The following EPHA5 variants were observed in gnomAD, a reference collection of about 807,000 sequenced individuals.
EPHA5 encodes the protein ephrin type-A receptor 5.
A neutral mutation model predicts 105.0 loss-of-function variants in EPHA5; 60 were observed. The ratio of observed to expected loss-of-function variants is 0.57; its 90% CI spans 0.46 to 0.71. EPHA5 has a LOEUF of 0.71. Among genes scored for constraint, EPHA5 ranks in the 30% least tolerant of loss-of-function variants. The probability of loss-of-function intolerance (pLI) is 0.00; values close to 1 mark genes in which losing one functional copy is unlikely to be tolerated. For missense variants in EPHA5, 1,218 were observed against 1,274.7 expected, an observed-to-expected ratio of 0.96 and a Z score of 0.68; for synonymous variants, 513 against 449.1, an observed-to-expected ratio of 1.14 and a Z score of -1.80.
At chr4:65,533,787 A>G (rs1212232747) in intron 3 of EPHA5, among the ~76,000 whole-genome samples, 1 of 152,066 alleles carries the variant, frequency 6.6e-6, no homozygotes, top group Admixed American at 6.6e-5. Context: ...TACAAAAATT[A>G]GCTGGGTGTG....
chr4:65,603,530 T>C (rs1743943102), intron 2 of EPHA5, among the ~76,000 whole-genome samples: 1 of 152,158 alleles, frequency 6.6e-6, no homozygotes, highest in South Asian at 2.1e-4. Context: ...AATATAGCAT[T>C]ATTTCTTGAT....
chr4:65,620,878 G>A (rs1157964606), intron 2 of EPHA5, among the ~76,000 whole-genome samples: 1 of 152,126 alleles, frequency 6.6e-6, no homozygotes, highest in African/African-American at 2.4e-5. Flanking sequence ...TTCCATATGT[G>A]AGAAAAAGTG....
intron 5 of EPHA5, among the ~76,000 whole-genome samples, chr4:65,484,242 T>C (rs1224529219): frequency 1.3e-5 from 2 of 152,162 alleles, no homozygotes; most frequent in African/African-American, 2.4e-5. Context: ...ATTGTTCTAA[T>C]GGTCTCTGAA....
intron 3 of EPHA5, among the ~76,000 whole-genome samples, chr4:65,589,378 C>T (rs1364875115): frequency 1.3e-5 from 2 of 151,972 alleles, no homozygotes; most frequent in Non-Finnish European, 2.9e-5. Context: ...CTGTGTGGGC[C>T]TTGAGGAGCA....
At chr4:65,512,463 C>G (rs1402379792) in intron 3 of EPHA5, among the ~76,000 whole-genome samples, 2 of 152,044 alleles carry the variant, frequency 1.3e-5, no homozygotes, top group South Asian at 2.1e-4. Flanking sequence ...GGGTTGCATC[C>G]TTCATGAATG....
chr4:65,383,481 AAAAAC>A (rs1719775582), intron 8 of EPHA5, among the ~76,000 whole-genome samples: 1 of 151,894 alleles, frequency 6.6e-6, no homozygotes, highest in Admixed American at 6.6e-5. Context: ...TGCTACCAGT[AAAAAC>A]AAAGCAAGAA....
At chr4:65,387,820 C>CT (rs200503402) in intron 8 of EPHA5, among the ~76,000 whole-genome samples, 2,440 of 150,852 alleles carry the variant, frequency 0.016, 41 homozygotes, top group African/African-American at 0.041. Context: ...ATGTCTCATT[C>CT]TTTTTTTTTA....
intron 3 of EPHA5, among the ~76,000 whole-genome samples, chr4:65,501,492 G>T (rs1248962703): frequency 1.3e-5 from 2 of 151,108 alleles, no homozygotes; most frequent in African/African-American, 2.4e-5. Flanking sequence ...AATCGAGAAT[G>T]CCCCATTCAC....
At chr4:65,442,823 T>G (rs1281972773) in intron 5 of EPHA5, among the ~76,000 whole-genome samples, 1 of 152,080 alleles carries the variant, frequency 6.6e-6, no homozygotes, top group African/African-American at 2.4e-5. Flanking sequence ...CATTATGAAT[T>G]GACAGTGCCC....
At chr4:65,394,149 A>G (rs1256391838) in intron 8 of EPHA5, among the ~76,000 whole-genome samples, 1 of 152,220 alleles carries the variant, frequency 6.6e-6, no homozygotes, top group African/African-American at 2.4e-5. Flanking sequence ...CCATGAAGGG[A>G]GGAGGATCTA....
intron 2 of EPHA5, among the ~76,000 whole-genome samples, chr4:65,608,741 A>G (rs1046949462): frequency 1.3e-5 from 2 of 152,174 alleles, no homozygotes; most frequent in Non-Finnish European, 2.9e-5. Context: ...CTGTTATGCA[A>G]TGCATGCATG....
chr4:65,365,469 C>T (rs1306217177), intron 10 of EPHA5, among the ~76,000 whole-genome samples: 1 of 150,478 alleles, frequency 6.6e-6, no homozygotes, highest in East Asian at 2.0e-4. Flanking sequence ...TTACAAAAAC[C>T]TTTTAAAAAA....
At chr4:65,482,306 A>G (rs1415827525) in intron 5 of EPHA5, among the ~76,000 whole-genome samples, 1 of 150,906 alleles carries the variant, frequency 6.6e-6, no homozygotes. Context: ...AAAAAAAAAA[A>G]CAACCTGTGA....
rs535686120 is a variant in EPHA5 at position 65,323,400 on chromosome 4, C to T, written c.*714G>A. The T allele has an allele frequency of 4.3e-6, 1 of 230,094 alleles. No homozygotes were observed. Among genetic ancestry groups the T allele is most frequent in the Admixed American group, 5.7e-5 (1 of 17,570 alleles). The allele number at this position is 230,094 out of a possible 1,614,324, so 14.3% of individuals were successfully genotyped here. ...GTGCAAGCAAACACACACACAATTC[C>T]ATCTTAAATCAGTTCCTGGGTATAT... On this transcript the variant is annotated 3_prime_UTR_variant, in exon 17 of 17. Coordinates refer to ENST00000613740, the MANE Select transcript of EPHA5 (RefSeq NM_001281766.3).
At chr4:65,657,898 C>CAA (rs58539913) in intron 1 of EPHA5, among the ~76,000 whole-genome samples, 226 of 117,358 alleles carry the variant, frequency 1.9e-3, no homozygotes, top group East Asian at 4.8e-3. Flanking sequence ...TTGGTATATG[C>CAA]AAAAAAAAAA....
At chr4:65,501,182 T>C (rs576187927) in intron 3 of EPHA5, among the ~76,000 whole-genome samples, 40 of 151,676 alleles carry the variant, frequency 2.6e-4, no homozygotes, top group Admixed American at 1.4e-3. Context: ...TTATATAGTA[T>C]AAATATTATT....
chr4:65,666,684 A>G (rs1749993522), intron 1 of EPHA5, among the ~76,000 whole-genome samples: 1 of 152,212 alleles, frequency 6.6e-6, no homozygotes, highest in Admixed American at 6.5e-5. Context: ...TATGACTAAT[A>G]TACTAAAACT....
chr4:65,526,624 A>G (rs1735256994), intron 3 of EPHA5, among the ~76,000 whole-genome samples: 1 of 152,002 alleles, frequency 6.6e-6, no homozygotes, highest in Admixed American at 6.6e-5. Flanking sequence ...ATTGTTTGTT[A>G]TAGTAAGTAT....
chr4:65,629,872 T>C (rs1418571905), intron 2 of EPHA5, among the ~76,000 whole-genome samples: 2 of 152,192 alleles, frequency 1.3e-5, no homozygotes, highest in Non-Finnish European at 2.9e-5. Context: ...TTGTGGAATT[T>C]GGAATATTTC....
Sources: gnomAD v4.1 joint callset for allele counts (sites outside exome capture counted in the v4.1 genomes callset) on GRCh38, gnomAD v4.1.1 for gene constraint, MANE v1.5 for transcripts, NCBI Gene and HGNC (gene_info 2026-07-23, HGNC 2026-07-21) for gene names.